Variants in CDH19 observed in about 807,000 individuals in gnomAD.
The protein encoded by CDH19 is cadherin 19.
A neutral mutation model predicts 64.2 loss-of-function variants in CDH19; 67 were observed. The observed-to-expected ratio is 1.04, with a 90% CI of 0.86 to 1.28. The LOEUF is 1.28. Ranked by LOEUF, CDH19 falls within the 50% of genes most tolerant of loss-of-function variation. CDH19 has a pLI of 0.00. For missense variants in CDH19, 1,030 were observed against 929.0 expected (o/e 1.11, Z -1.41); for synonymous variants, 346 against 319.3 (o/e 1.08, Z -0.89).
intron 7 of CDH19, among the ~76,000 whole-genome samples, chr18:66,538,582 G>A (rs1482082622): frequency 2.6e-5 from 4 of 151,972 alleles, no homozygotes; most frequent in Admixed American, 1.3e-4. Flanking sequence ...GTATAAAGCT[G>A]CCATAAATGC....
At chr18:66,581,894 TAATAC>T (rs1555691967) in intron 1 of CDH19, among the ~76,000 whole-genome samples, 3 of 152,124 alleles carry the variant, frequency 2.0e-5, no homozygotes, top group Middle Eastern at 3.2e-3. Context: ...TAAAGAACCC[TAATAC>T]AATATTTTAT....
rs756863778 is a variant in CDH19, at chr18:66,505,113, G to GT, written c.2017dup (p.Thr673AsnfsTer5). The GT allele has an allele frequency of 4.6e-5, 75 of 1,613,378 alleles. 1 individual carries two copies. The South Asian group carries it at 7.8e-4, about 17-fold the overall frequency. On this transcript the variant is annotated frameshift_variant, in exon 12 of 12. Transcript: ENST00000262150. LOFTEE classifies it low-confidence loss of function (END_TRUNC). ...TAGGCTCCTGATCTCAGCGCTTGTG[G>GT]TTTTCCGAGTCTTGCGTTCCCGCAT... is the stretch of plus-strand genomic sequence containing the variant.
chr18:66,517,864 G>C (rs1209931478), intron 9 of CDH19, among the ~76,000 whole-genome samples: 1 of 151,778 alleles, frequency 6.6e-6, no homozygotes, highest in African/African-American at 2.4e-5. Flanking sequence ...AACATTATCT[G>C]GGTGTTTTTT....
intron 5 of CDH19, among the ~76,000 whole-genome samples, chr18:66,546,128 G>A (rs994863584): frequency 6.6e-5 from 10 of 152,038 alleles, no homozygotes; most frequent in Admixed American, 2.0e-4. Flanking sequence ...CTAAAAAGAA[G>A]CACATATAAT....
rs1986112295 is a variant in CDH19 at position 66,524,089 on chromosome 18, A to C, written c.1458+5756T>G. On this transcript the variant is annotated intron_variant, in intron 9 of 11. Coordinates refer to ENST00000262150, the MANE Select transcript of CDH19 (RefSeq NM_021153.4). ...CTAACATGTTGTCTAAAGTACACAG[A>C]AACTGACATGAATGTGTGAGGATCT... Among the ~76,000 whole-genome samples the C allele has an allele frequency of 3.3e-5, 5 of 152,322 alleles. No individual in the cohort carries two copies. The South Asian group carries it at 1.0e-3, about 32-fold the overall frequency.
At chr18:66,515,352 C>T (rs923995222) in intron 9 of CDH19, among the ~76,000 whole-genome samples, 2 of 151,610 alleles carry the variant, frequency 1.3e-5, no homozygotes, top group African/African-American at 4.8e-5. Context: ...TTAAATTACA[C>T]CTGTTTTGAC....
chr18:66,557,154 G>A (rs1471061530), intron 3 of CDH19, among the ~76,000 whole-genome samples: 1 of 151,892 alleles, frequency 6.6e-6, no homozygotes, highest in Non-Finnish European at 1.5e-5. Flanking sequence ...CAAAGACATG[G>A]AAACAACTCT....
chr18:66,588,605 C>CATAT lies in CDH19; in HGVS notation c.-113+15345_-113+15348dup, dbSNP rs1263242803. Among the ~76,000 whole-genome samples, 451 of 116,684 alleles carry CATAT rather than the reference C, an allele frequency of 3.9e-3. 39 individuals carry two copies. Among genetic ancestry groups the CATAT allele is most frequent in the East Asian group, 5.0e-3 (21 of 4,166 alleles). 76.5% of individuals were successfully genotyped at this position (116,684 alleles called of 152,430 possible). ...AATGATCTTACTCATTTTTACTAAT[C>CATAT]ATATATATCTATATCTATATCTATA... is the stretch of plus-strand genomic sequence containing the variant. On this transcript the variant is annotated intron_variant, in intron 1 of 11. Coordinates refer to ENST00000262150, the MANE Select transcript of CDH19 (RefSeq NM_021153.4).
Position 66,504,891 on chromosome 18 carries a change from T to G in CDH19, c.2240A>C (p.Tyr747Ser). 1 of 1,613,376 alleles carries G rather than the reference T, an allele frequency of 6.2e-7. No individual in the cohort carries two copies. Among genetic ancestry groups the G allele is most frequent in the Non-Finnish European group, 8.5e-7 (1 of 1,179,604 alleles). The stretch of plus-strand genomic sequence containing the variant: ...AGGTCCCAACTCATTAAGGTAATCA[T>G]AGCTTTCATCCTGATCAGAGACTGC... ...ESAVSDQDES[Y>S]DYLNELGPRF... Residue 747 changes from tyrosine to serine, a missense_variant, in exon 12 of 12, where the codon TAT becomes TCT. Coordinates refer to ENST00000262150, the MANE Select transcript of CDH19 (RefSeq NM_021153.4).
intron 7 of CDH19, among the ~76,000 whole-genome samples, chr18:66,541,990 C>A (rs756092286): frequency 6.6e-5 from 10 of 152,080 alleles, no homozygotes; most frequent in Admixed American, 3.3e-4. Context: ...CTATGCATCA[C>A]AAGCATCATG....
intron 1 of CDH19, among the ~76,000 whole-genome samples, chr18:66,591,748 T>C (rs746519864): frequency 1.1e-3 from 169 of 151,970 alleles, no homozygotes; most frequent in Middle Eastern, 0.01. Flanking sequence ...GAAAAAACAT[T>C]CCTGAAAAGT....
intron 1 of CDH19, among the ~76,000 whole-genome samples, chr18:66,579,450 T>C (rs535999021): frequency 6.6e-6 from 1 of 152,044 alleles, no homozygotes; most frequent in African/African-American, 2.4e-5. Flanking sequence ...ATCTGTGGAA[T>C]AGCAGCATCT....
At chr18:66,567,157 T>G (rs1273883305) in intron 3 of CDH19, among the ~76,000 whole-genome samples, 1 of 151,946 alleles carries the variant, frequency 6.6e-6, no homozygotes, top group Admixed American at 6.6e-5. Flanking sequence ...TGTTTCATAT[T>G]AGCAGGTAAC....
chr18:66,571,448 C>G (rs1203251867), intron 2 of CDH19, among the ~76,000 whole-genome samples: 2 of 151,570 alleles, frequency 1.3e-5, no homozygotes, highest in Non-Finnish European at 3.0e-5. Context: ...TAATAAAATA[C>G]AAGCCAAAAA....
chr18:66,534,963 T>G (rs1986599873), intron 8 of CDH19, 23 bp downstream of exon 8: 2 of 1,422,672 alleles, frequency 1.4e-6, no homozygotes, highest in Non-Finnish European at 1.9e-6. Context: ...AACAACTGTA[T>G]TGGATTTCAA....
At chr18:66,571,732 C>T (rs140758775) in intron 2 of CDH19, among the ~76,000 whole-genome samples, 259 of 151,608 alleles carry the variant, frequency 1.7e-3, no homozygotes, top group African/African-American at 6.0e-3. Context: ...AGATTCATTA[C>T]CAAAAATAAC....
At chr18:66,583,860 A>G (rs985648602) in intron 1 of CDH19, among the ~76,000 whole-genome samples, 1 of 152,134 alleles carries the variant, frequency 6.6e-6, no homozygotes, top group African/African-American at 2.4e-5. Context: ...TTCAAAATGG[A>G]TTAAAGACTT....
At chr18:66,548,954 T>A (rs1248666543) in intron 5 of CDH19, among the ~76,000 whole-genome samples, 2 of 151,910 alleles carry the variant, frequency 1.3e-5, no homozygotes, top group Non-Finnish European at 2.9e-5. Flanking sequence ...GGGAGAGGGA[T>A]GTTTGAGAGA....
At position 66,535,400 on chromosome 18, in the gene CDH19, AC is replaced by A. The variant is rs1389060105; in HGVS notation, c.1215-294del. ...AAATTAAAATATATCTTCAGCCTAGACGAGTATTGATCTCTTTCCTATGTCA... is the reference window on the plus strand; with the variant it reads ...AAATTAAAATATATCTTCAGCCTAGAGAGTATTGATCTCTTTCCTATGTCA... On this transcript the variant is annotated intron_variant, in intron 7 of 11. Transcript: ENST00000262150. 3.3e-5 allele frequency among the ~76,000 whole-genome samples: 5 copies of A among 151,380 alleles called. No individual in the cohort carries two copies. In the Admixed American group the frequency reaches 3.3e-4, roughly 10 times the overall value.
Sources: allele counts gnomAD v4.1 joint callset (sites outside exome capture counted in the v4.1 genomes callset), GRCh38; gene constraint gnomAD v4.1.1; transcripts MANE v1.5; gene names NCBI Gene and HGNC (gene_info 2026-07-23, HGNC 2026-07-21).